MRTFA: variants seen among roughly 807,000 people sequenced by gnomAD.
MRTFA encodes myocardin related transcription factor A, also known as myocardin-related transcription factor A.
MRTFA carries 20 observed loss-of-function variants against 83.5 expected under a neutral mutation model. That is an observed-to-expected ratio of 0.24 (90% CI 0.17 to 0.35). MRTFA has a LOEUF of 0.35. Ranked by LOEUF, MRTFA falls within the 10% of genes least tolerant of loss-of-function variation. The pLI is 1.00. For missense variants in MRTFA, 1,200 were observed against 1,224.7 expected (o/e 0.98, Z 0.30); for synonymous variants, 659 against 541.2 (o/e 1.22, Z -3.02).
At chr22:40,460,830 T>C (rs2053697440) in intron 4 of MRTFA, among the ~76,000 whole-genome samples, 2 of 152,142 alleles carry the variant, frequency 1.3e-5, no homozygotes, top group African/African-American at 4.8e-5. Context: ...TGTAGGTAAA[T>C]AGTCTGGCAG....
At chr22:40,555,246 G>T (rs73169021) in intron 2 of MRTFA, among the ~76,000 whole-genome samples, 1 of 152,110 alleles carries the variant, frequency 6.6e-6, no homozygotes, top group African/African-American at 2.4e-5. Flanking sequence ...AGGGACTAGC[G>T]GCAGAATGAT....
intron 2 of MRTFA, among the ~76,000 whole-genome samples, chr22:40,593,173 A>C (rs542017581): frequency 7.2e-5 from 11 of 152,252 alleles, no homozygotes; most frequent in South Asian, 6.2e-4. Context: ...GCAAGCCCCC[A>C]AAAAAAGAAA....
chr22:40,633,745 G>A (rs372039443), intron 1 of MRTFA, among the ~76,000 whole-genome samples: 18 of 151,418 alleles, frequency 1.2e-4, no homozygotes, highest in African/African-American at 3.9e-4. Context: ...TTATTATATC[G>A]CCTTAGTGAC....
In MRTFA at chr22:40,558,196, C is replaced by A. The variant is rs576635352; in HGVS notation, c.-21-5829G>T. Reference sequence around the variant, plus strand: ...GAATTCCTGGACTCAAGTGATCCTCCCCCATCAGTCCCACAAGTAGCTAGG... The same window carrying A: ...GAATTCCTGGACTCAAGTGATCCTCACCCATCAGTCCCACAAGTAGCTAGG... On this transcript the variant is annotated intron_variant, in intron 2 of 14. Coordinates refer to ENST00000355630, the MANE Select transcript of MRTFA (RefSeq NM_020831.6). Among the ~76,000 whole-genome samples, 19 of 151,332 alleles carry A rather than the reference C, an allele frequency of 1.3e-4. 1 individual carries two copies. In the South Asian group the frequency reaches 4.0e-3, roughly 32 times the overall value.
chr22:40,560,778 T>C (rs770257050), intron 2 of MRTFA, among the ~76,000 whole-genome samples: 2 of 152,188 alleles, frequency 1.3e-5, no homozygotes, highest in Admixed American at 6.5e-5. Flanking sequence ...CCTCTTTTGC[T>C]GGCCTGATTA....
At chr22:40,615,231 T>C (rs552825945) in intron 1 of MRTFA, among the ~76,000 whole-genome samples, 7 of 152,352 alleles carry the variant, frequency 4.6e-5, no homozygotes, top group South Asian at 2.1e-4. Flanking sequence ...GTTCCAGCAA[T>C]AGCTGTTAAA....
At chr22:40,426,565 TCAAA>T (rs749113920) in intron 7 of MRTFA, among the ~76,000 whole-genome samples, 2 of 152,116 alleles carry the variant, frequency 1.3e-5, no homozygotes, top group Non-Finnish European at 2.9e-5. Context: ...GCCAAATTCC[TCAAA>T]CAAACAAGCT....
intron 1 of MRTFA, among the ~76,000 whole-genome samples, chr22:40,624,054 T>C (rs926403780): frequency 6.6e-6 from 1 of 151,996 alleles, no homozygotes; most frequent in African/African-American, 2.4e-5. Context: ...TAGTGAGCCA[T>C]GTTCAAACCA....
chr22:40,610,913 A>G (rs1014246870), intron 1 of MRTFA, among the ~76,000 whole-genome samples: 1 of 151,406 alleles, frequency 6.6e-6, no homozygotes, highest in African/African-American at 2.4e-5. Flanking sequence ...TGTTCACCAA[A>G]GAGAGTTGTT....
intron 4 of MRTFA, among the ~76,000 whole-genome samples, chr22:40,454,329 T>G (rs1336450567): frequency 6.6e-6 from 1 of 152,208 alleles, no homozygotes; most frequent in Non-Finnish European, 1.5e-5. Context: ...TTGTCCAGGC[T>G]GGTCTCAAAC....
chr22:40,615,147 C>T (rs1194144132), intron 1 of MRTFA, among the ~76,000 whole-genome samples: 1 of 151,968 alleles, frequency 6.6e-6, no homozygotes, highest in African/African-American at 2.4e-5. Context: ...GTCTACAAAC[C>T]ATTTCAAATT....
chr22:40,604,232 G>A (rs1156849789), intron 1 of MRTFA, among the ~76,000 whole-genome samples: 8 of 150,996 alleles, frequency 5.3e-5, no homozygotes, highest in Non-Finnish European at 7.4e-5. Flanking sequence ...CCAGGTTCAC[G>A]CCATTCTCCT....
At chr22:40,500,344 TTTTA>T (rs2054441461) in intron 3 of MRTFA, among the ~76,000 whole-genome samples, 1 of 26,408 alleles carries the variant, frequency 3.8e-5, no homozygotes, top group African/African-American at 5.7e-5. Flanking sequence ...TTTTTATTTT[TTTTA>T]TTTTTTTTTT....
chr22:40,587,956 C>A, intron 2 of MRTFA: 1 of 364,588 alleles, frequency 2.7e-6, no homozygotes, highest in Non-Finnish European at 5.4e-6. Context: ...CAGATGACTC[C>A]CCTTTTTCAG....
chr22:40,473,236 C>T (rs1052595578), intron 3 of MRTFA, among the ~76,000 whole-genome samples: 2 of 152,080 alleles, frequency 1.3e-5, no homozygotes, highest in Non-Finnish European at 2.9e-5. Context: ...CACGGCTCAC[C>T]GCAGCCTTGA....
At position 40,417,321 on chromosome 22, in the gene MRTFA, G is replaced by C. The variant is rs199656411; in HGVS notation, c.2517+20C>G. ...TAGGGCAGCTGCCAACACTAGCCAG[G>C]CCTAGCCCGCCTTCCTCACCTGCTG... On this transcript the variant is annotated intron_variant, in intron 13 of 14. Coordinates refer to ENST00000355630, the MANE Select transcript of MRTFA (RefSeq NM_020831.6). 2 of 1,606,824 alleles carry C rather than the reference G, an allele frequency of 1.2e-6. No homozygotes were observed. Among genetic ancestry groups the C allele is most frequent in the African/African-American group, 1.3e-5 (1 of 74,822 alleles).
At chr22:40,548,840 G>T (rs2055405781) in intron 3 of MRTFA, among the ~76,000 whole-genome samples, 1 of 151,472 alleles carries the variant, frequency 6.6e-6, no homozygotes, top group Non-Finnish European at 1.5e-5. Context: ...CTCCAGCCTG[G>T]CAACAGAGTG....
chr22:40,614,566 C>T (rs966576933), intron 1 of MRTFA, among the ~76,000 whole-genome samples: 1 of 152,204 alleles, frequency 6.6e-6, no homozygotes, highest in Non-Finnish European at 1.5e-5. Context: ...CGGCTCACTG[C>T]AACCTACGCA....
chr22:40,416,907 A>G lies in MRTFA; in HGVS notation c.2578+79T>C. On this transcript the variant is annotated intron_variant, in intron 14 of 14. Transcript: ENST00000355630. This position sits in a 1 kb window ranked among gnomAD's most constrained non-coding sequence, Gnocchi z 4.2. ...CTGGTCACGCACGGAAGCATTCAAT[A>G]AAAACAAACCAACCCAGGGCTAGAG... 2 of 1,402,732 alleles carry G rather than the reference A, an allele frequency of 1.4e-6. No individual in the cohort carries two copies. The highest frequency in any genetic ancestry group is 2.0e-6 in the Non-Finnish European group (2 of 1,019,808). The allele number at this position is 1,402,732 out of a possible 1,614,324, so 86.9% of individuals were successfully genotyped here.
Sources: allele counts gnomAD v4.1 joint callset (sites outside exome capture counted in the v4.1 genomes callset), GRCh38; gene constraint gnomAD v4.1.1; non-coding constraint Gnocchi (gnomAD v3.1); transcripts MANE v1.5; gene names NCBI Gene and HGNC (gene_info 2026-07-23, HGNC 2026-07-21).